Variants in ABCA8 observed in about 807,000 individuals in gnomAD.
ABCA8 encodes ATP binding cassette subfamily A member 8.
A neutral mutation model predicts 192.3 loss-of-function variants in ABCA8; 177 were observed. The ratio of observed to expected loss-of-function variants is 0.92; its 90% CI spans 0.81 to 1.04. The LOEUF is 1.04. Ranked by LOEUF, ABCA8 falls within the 50% of genes least tolerant of loss-of-function variation. The probability of loss-of-function intolerance (pLI) is 0.00; values close to 1 mark genes in which losing one functional copy is unlikely to be tolerated. For missense variants in ABCA8, 1,915 were observed against 1,904.8 expected (o/e 1.01, Z -0.10); for synonymous variants, 642 against 690.2 (o/e 0.93, Z 1.09).
intron 21 of ABCA8, among the ~76,000 whole-genome samples, chr17:68,898,893 T>C (rs1442681675): frequency 6.6e-6 from 1 of 152,130 alleles, no homozygotes. Context: ...TATATGTTTT[T>C]AAACCAGCAA....
intron 5 of ABCA8, among the ~76,000 whole-genome samples, chr17:68,934,971 G>A (rs1469811932): frequency 6.6e-6 from 1 of 151,080 alleles, no homozygotes; most frequent in African/African-American, 2.4e-5. Flanking sequence ...TCCTATTAAT[G>A]TCCTTTTGTT....
intron 23 of ABCA8, among the ~76,000 whole-genome samples, chr17:68,893,522 T>G (rs2066664853): frequency 6.6e-6 from 1 of 152,170 alleles, no homozygotes; most frequent in Non-Finnish European, 1.5e-5. Flanking sequence ...CTTGAATTTC[T>G]TTTGTAAAAT....
At chr17:68,941,797 A>G in intron 3 of ABCA8, 142 bp downstream of exon 3, 1 of 549,726 alleles carries the variant, frequency 1.8e-6, no homozygotes, top group Non-Finnish European at 3.2e-6. Flanking sequence ...CCTGAAGAAT[A>G]GCGTTTTCTG....
At chr17:68,890,555 G>T (rs1282526312) in intron 24 of ABCA8, among the ~76,000 whole-genome samples, 2 of 152,116 alleles carry the variant, frequency 1.3e-5, no homozygotes, top group African/African-American at 4.8e-5. Flanking sequence ...GTCTCGGTCT[G>T]TTGCCCAGGC....
At chr17:68,946,827 G>T (rs866485589) in intron 2 of ABCA8, among the ~76,000 whole-genome samples, 2 of 152,004 alleles carry the variant, frequency 1.3e-5, no homozygotes, top group South Asian at 4.1e-4. Flanking sequence ...TTCAATCCCC[G>T]CCACTCACGA....
intron 2 of ABCA8, among the ~76,000 whole-genome samples, chr17:68,944,357 T>TATAC (rs1555619508): frequency 1.1e-4 from 6 of 53,420 alleles, no homozygotes; most frequent in East Asian, 5.0e-4. Flanking sequence ...TATATATATA[T>TATAC]ATACACATAT....
At chr17:68,936,337 T>C (rs1231905648) in intron 5 of ABCA8, among the ~76,000 whole-genome samples, 1 of 152,160 alleles carries the variant, frequency 6.6e-6, no homozygotes, top group Non-Finnish European at 1.5e-5. Flanking sequence ...TTTTAATCCA[T>C]CTTGAGTTAA....
chr17:68,905,327 A>C (rs2067037715), intron 19 of ABCA8, among the ~76,000 whole-genome samples: 1 of 152,232 alleles, frequency 6.6e-6, no homozygotes, highest in Non-Finnish European at 1.5e-5. Flanking sequence ...GTCATCAGTC[A>C]CACGGTCCAC....
At chr17:68,929,776 A>T in intron 7 of ABCA8, 74 bp from the exon 8 acceptor site, 3 of 1,312,472 alleles carry the variant, frequency 2.3e-6, no homozygotes, top group Non-Finnish European at 3.1e-6. Flanking sequence ...GGATTCTAAG[A>T]TAACTCTTCA....
At chr17:68,930,326 T>C (rs1325529293) in intron 7 of ABCA8, among the ~76,000 whole-genome samples, 2 of 152,206 alleles carry the variant, frequency 1.3e-5, no homozygotes, top group Non-Finnish European at 2.9e-5. Flanking sequence ...TTGTCATCTT[T>C]CTCTGGATGT....
chr17:68,890,283 T>C (rs965214753), intron 24 of ABCA8, among the ~76,000 whole-genome samples: 1 of 152,204 alleles, frequency 6.6e-6, no homozygotes, highest in African/African-American at 2.4e-5. Context: ...GAGGCTATCT[T>C]CCTGATTGCT....
chr17:68,918,512 T>A lies in ABCA8; in HGVS notation c.1823A>T (p.Asn608Ile). 6.6e-7 allele frequency: 1 copy of A among 1,522,842 alleles called. No individual in the cohort carries two copies. Among genetic ancestry groups the A allele is most frequent in the South Asian group, 1.2e-5 (1 of 80,056 alleles). The allele number at this position is 1,522,842 out of a possible 1,614,324, so 94.3% of individuals were successfully genotyped here. A position where few individuals can be genotyped will look rare whatever the true frequency, so the allele number is the denominator to read the frequency against. The change falls in exon 15 of 40, where the codon AAT becomes ATT. Residue 608 changes from asparagine to isoleucine, a missense_variant. Transcript: ENST00000586539. ...GTTTTGAGCAAGAACATCCTGAATA[T>A]TTTTCATTTCCAATTCCAGCAGAAC... ...QRVLLELEMK[N>I]IQDVLAQNLS...
intron 19 of ABCA8, 99 bp downstream of exon 19, chr17:68,905,945 G>T: frequency 8.9e-7 from 1 of 1,128,128 alleles, no homozygotes; most frequent in Non-Finnish European, 1.2e-6. Context: ...TCTAAGAAGA[G>T]CCTTAATCAT....
At chr17:68,880,866 C>G (rs557326538) in intron 32 of ABCA8, 4 of 489,248 alleles carry the variant, frequency 8.2e-6, no homozygotes, top group African/African-American at 5.9e-5. Context: ...GGGTCTGAGC[C>G]AAACTTGGGC....
Position 68,922,303 on chromosome 17 carries a change from GA to G in ABCA8, c.1443-4del, listed in dbSNP as rs746015586. ...ATTCTTTTGTAACATTTCTGATTCT[GA>G]AAAAAAGAAAAGATACTTCAAAGTG... is the stretch of plus-strand genomic sequence containing the variant. On this transcript the variant is annotated splice_polypyrimidine_tract_variant and splice_region_variant and intron_variant, in intron 11 of 39. Coordinates refer to ENST00000586539, the MANE Select transcript of ABCA8 (RefSeq NM_001288985.2). The G allele has an allele frequency of 8.3e-7, 1 of 1,198,324 alleles. No homozygotes were observed. The highest frequency in any genetic ancestry group is 1.5e-5 in the South Asian group (1 of 65,846). 74.2% of individuals were successfully genotyped at this position (1,198,324 alleles called of 1,614,324 possible). A position where few individuals can be genotyped will look rare whatever the true frequency, so the allele number is the denominator to read the frequency against.
intron 26 of ABCA8, among the ~76,000 whole-genome samples, chr17:68,886,613 T>C (rs1452319896): frequency 6.6e-6 from 1 of 152,216 alleles, no homozygotes; most frequent in East Asian, 1.9e-4. Flanking sequence ...CTTACTCATC[T>C]GTTTATCTTT....
intron 37 of ABCA8, among the ~76,000 whole-genome samples, chr17:68,873,668 G>A (rs1292326121): frequency 2.0e-5 from 3 of 152,138 alleles, no homozygotes; most frequent in Non-Finnish European, 4.4e-5. Flanking sequence ...TCTTCTAGGA[G>A]TTCAACAATT....
Position 68,903,472 on chromosome 17 carries a change from G to C in ABCA8, c.2426C>G (p.Ala809Gly). ...SDIAILGEVQ[A>G]EKADDTERLV... is the part of the protein sequence containing the mutation. The stretch of plus-strand genomic sequence containing the variant: ...CCTTTCAGTGTCGTCAGCTTTTTCC[G>C]CTTGTACTTCTCCCAAAATAGCAAT... The change falls in exon 20 of 40, where the codon GCG becomes GGG. Residue 809 changes from alanine to glycine, a missense_variant. Coordinates refer to ENST00000586539, the MANE Select transcript of ABCA8 (RefSeq NM_001288985.2). 1 of 1,613,900 alleles carries C rather than the reference G, an allele frequency of 6.2e-7. No individual in the cohort carries two copies. The highest frequency in any genetic ancestry group is 1.1e-5 in the South Asian group (1 of 91,062).
intron 5 of ABCA8, among the ~76,000 whole-genome samples, chr17:68,935,494 T>C (rs1379249983): frequency 6.8e-6 from 1 of 147,962 alleles, no homozygotes; most frequent in East Asian, 2.0e-4. Context: ...AAAATTTATG[T>C]CTAGTCAAAT....
Sources: allele counts gnomAD v4.1 joint callset (sites outside exome capture counted in the v4.1 genomes callset), GRCh38; gene constraint gnomAD v4.1.1; transcripts MANE v1.5; gene names NCBI Gene and HGNC (gene_info 2026-07-23, HGNC 2026-07-21).